The following BCKDHB variants were observed in gnomAD, a reference collection of about 807,000 sequenced individuals.
BCKDHB encodes branched chain keto acid dehydrogenase E1 subunit beta, also known as 2-oxoisovalerate dehydrogenase subunit beta, mitochondrial.
In BCKDHB, 41 loss-of-function variants were observed where a neutral mutation model predicts 48.5. The ratio of observed to expected loss-of-function variants is 0.85; its 90% CI spans 0.66 to 1.10. The LOEUF is 1.10. BCKDHB is among the 50% of genes least tolerant of loss of function. BCKDHB has a pLI of 0.00. For missense variants in BCKDHB, 496 were observed against 494.2 expected (o/e 1.00, Z -0.03); for synonymous variants, 201 against 174.8 (o/e 1.15, Z -1.18).
intron 8 of BCKDHB, among the ~76,000 whole-genome samples, chr6:80,255,144 T>C (rs1403009122): frequency 6.6e-6 from 1 of 152,220 alleles, no homozygotes; most frequent in Non-Finnish European, 1.5e-5. Context: ...TGTATACTCC[T>C]TGAAGACAGA....
the BCKDHB span, among the ~76,000 whole-genome samples, chr6:80,379,838 T>C: frequency 1.3e-5 from 2 of 151,952 alleles, no homozygotes; most frequent in African/African-American, 4.8e-5. Flanking sequence ...ACTCAATCTA[T>C]TTACAGTAGT....
At chr6:80,287,192 G>C (rs182839520) in intron 9 of BCKDHB, among the ~76,000 whole-genome samples, 1 of 152,288 alleles carries the variant, frequency 6.6e-6, no homozygotes, top group Admixed American at 6.5e-5. Flanking sequence ...TCCCAAGCTG[G>C]TAATGGAATA....
At chr6:80,138,675 T>C (rs998527719) in intron 3 of BCKDHB, among the ~76,000 whole-genome samples, 2 of 152,360 alleles carry the variant, frequency 1.3e-5, no homozygotes, top group South Asian at 4.1e-4. Flanking sequence ...TGCCCCATTT[T>C]CTTAATCCAG....
chr6:80,177,899 C>G (rs1261935425), intron 6 of BCKDHB, among the ~76,000 whole-genome samples: 1 of 152,210 alleles, frequency 6.6e-6, no homozygotes, highest in Admixed American at 6.5e-5. Context: ...ATTTATATTA[C>G]TAAATCCTGT....
intron 6 of BCKDHB, among the ~76,000 whole-genome samples, chr6:80,175,585 T>C (rs1421154218): frequency 6.6e-6 from 1 of 152,236 alleles, no homozygotes; most frequent in Non-Finnish European, 1.5e-5. Flanking sequence ...AAAATGTTAC[T>C]GGTCATTGCA....
chr6:80,418,841 G>T, the BCKDHB span, among the ~76,000 whole-genome samples: 2 of 152,196 alleles, frequency 1.3e-5, no homozygotes, highest in Non-Finnish European at 2.9e-5. Context: ...CTCTCTGTGG[G>T]TGTTCATCAC....
the BCKDHB span, among the ~76,000 whole-genome samples, chr6:80,352,048 C>T: frequency 2.6e-5 from 4 of 152,036 alleles, no homozygotes; most frequent in African/African-American, 7.2e-5. Context: ...CTCGAACTCC[C>T]GACCTCAGGT....
chr6:80,176,186 G>A (rs551505310), intron 6 of BCKDHB, among the ~76,000 whole-genome samples: 1 of 152,252 alleles, frequency 6.6e-6, no homozygotes, highest in East Asian at 1.9e-4. Context: ...GGGGAAAGGA[G>A]AAGGAGGTGT....
the BCKDHB span, among the ~76,000 whole-genome samples, chr6:80,404,397 A>G: frequency 6.6e-6 from 1 of 151,808 alleles, no homozygotes; most frequent in African/African-American, 2.4e-5. Context: ...TTGTGTTTCT[A>G]TGGCATTGGT....
At chr6:80,371,034 A>G in the BCKDHB span, among the ~76,000 whole-genome samples, 7 of 151,952 alleles carry the variant, frequency 4.6e-5, no homozygotes, top group African/African-American at 1.7e-4. Context: ...CAAATGGTAT[A>G]TCTGCTTTTA....
intron 9 of BCKDHB, 93 bp downstream of exon 9, chr6:80,273,314 C>T: frequency 9.0e-7 from 1 of 1,113,806 alleles, no homozygotes; most frequent in Non-Finnish European, 1.4e-6. Flanking sequence ...TATGTGAAAG[C>T]ATACACTTTA....
chr6:80,220,304 G>GTTTTTTTTTTTTTTTTTTTCTTTTTTT (rs56967096), intron 8 of BCKDHB, among the ~76,000 whole-genome samples: 4 of 60,856 alleles, frequency 6.6e-5, no homozygotes, highest in African/African-American at 1.3e-4. Context: ...CATGCTATTT[G>GTTTTTTTTTTTTTTTTTTTCTTTTTTT]TTTTTTTTTT....
chr6:80,341,001 A>G lies in BCKDHB; in HGVS notation c.1039-2663A>G, dbSNP rs550842462. Among the ~76,000 whole-genome samples the G allele has an allele frequency of 3.4e-3, 513 of 152,336 alleles. 5 individuals are homozygous for G. Among genetic ancestry groups the G allele is most frequent in the African/African-American group, 0.012 (493 of 41,578 alleles). Reference sequence around the variant, plus strand: ...TTCCAACTGCTTAAAAATAAGTGTAAAGTGAAGTTCATGGAAGAAATAACT... The same window carrying G: ...TTCCAACTGCTTAAAAATAAGTGTAGAGTGAAGTTCATGGAAGAAATAACT... On this transcript the variant is annotated intron_variant, in intron 9 of 9. Transcript: ENST00000320393.
Position 80,189,980 on chromosome 6 carries a change from G to A in BCKDHB, c.743-10954G>A, listed in dbSNP as rs149115761. On this transcript the variant is annotated intron_variant, in intron 6 of 9. Coordinates refer to ENST00000320393, the MANE Select transcript of BCKDHB (RefSeq NM_183050.4). ...TTCTGGCTATGTAAATAAACTTGGA[G>A]TTCTTCATTTTTTGTAGTATTAATG... 3.5e-3 allele frequency among the ~76,000 whole-genome samples: 528 copies of A among 152,108 alleles called. 1 individual carries two copies. Among genetic ancestry groups the A allele is most frequent in the Non-Finnish European group, 4.5e-3 (303 of 67,964 alleles).
the BCKDHB span, among the ~76,000 whole-genome samples, chr6:80,419,285 A>G: frequency 9.9e-5 from 15 of 152,170 alleles, no homozygotes; most frequent in African/African-American, 3.6e-4. Context: ...AGGGGCCACC[A>G]TGCTGTAGTT....
At chr6:80,191,952 A>C (rs561802792) in intron 6 of BCKDHB, among the ~76,000 whole-genome samples, 10 of 152,350 alleles carry the variant, frequency 6.6e-5, no homozygotes, top group Non-Finnish European at 1.0e-4. Context: ...GGTGACACAG[A>C]AAATGAGATT....
At chr6:80,219,848 A>G (rs1376646957) in intron 8 of BCKDHB, among the ~76,000 whole-genome samples, 1 of 152,192 alleles carries the variant, frequency 6.6e-6, no homozygotes, top group Non-Finnish European at 1.5e-5. Context: ...TTCATTATAT[A>G]CTAGTGTCAC....
chr6:80,274,318 G>T (rs987250122), intron 9 of BCKDHB, among the ~76,000 whole-genome samples: 1 of 151,912 alleles, frequency 6.6e-6, no homozygotes, highest in African/African-American at 2.4e-5. Context: ...TGTAGTCACT[G>T]ATAGTAAGAA....
At chr6:80,411,292 T>C in the BCKDHB span, among the ~76,000 whole-genome samples, 29 of 152,200 alleles carry the variant, frequency 1.9e-4, no homozygotes, top group Non-Finnish European at 3.8e-4. Context: ...ACAGCAAGTA[T>C]TGCAGAAGAG....
Sources: allele counts gnomAD v4.1 joint callset (sites outside exome capture counted in the v4.1 genomes callset), GRCh38; gene constraint gnomAD v4.1.1; transcripts MANE v1.5; gene names NCBI Gene and HGNC (gene_info 2026-07-23, HGNC 2026-07-21).